JADE3: variants seen among roughly 807,000 people sequenced by gnomAD.
JADE3 encodes jade family PHD finger 3, also known as protein Jade-3.
JADE3 carries 2 observed loss-of-function variants against 50.1 expected under a neutral mutation model. The ratio of observed to expected loss-of-function variants is 0.04; its 90% CI spans 0.02 to 0.13. The LOEUF is 0.13. JADE3 is among the 10% of genes least tolerant of loss of function. The pLI, the probability that JADE3 is intolerant of heterozygous loss-of-function variation, is 1.00. For missense variants in JADE3, 475 were observed against 634.4 expected, an observed-to-expected ratio of 0.75 and a Z score of 2.70; for synonymous variants, 218 against 232.9, an observed-to-expected ratio of 0.94 and a Z score of 0.58.
In JADE3 at chrX:47,058,432, C is replaced by T. The variant is rs1556373903; in HGVS notation, c.1827C>T (p.Leu609=). The T allele has an allele frequency of 2.5e-6, 3 of 1,211,699 alleles. No homozygotes were observed. The highest frequency in any genetic ancestry group is 3.4e-6 in the Non-Finnish European group (3 of 895,471). The change falls in exon 11 of 11, where the codon CTC becomes CTT. Residue 609 remains leucine (L), a synonymous_variant. Transcript: ENST00000614628. ...AGAATAACCGTTTGCTGGCCAGTCT[C>T]AGCCATTCTAGGAGTGAAGCAAAGG... The part of the protein sequence containing the change: ...ESKNNRLLAS[L]SHSRSEAKES...
At position 47,058,213 on chromosome X, in the gene JADE3, A is replaced by G. The variant is rs191000371; in HGVS notation, c.1608A>G (p.Pro536=). 1.7e-6 allele frequency: 2 copies of G among 1,208,141 alleles called. No homozygotes were observed. Among genetic ancestry groups the G allele is most frequent in the African/African-American group, 3.5e-5 (2 of 56,818 alleles). Residue 536 remains proline (P), a synonymous_variant, in exon 11 of 11, where the codon CCA becomes CCG. Coordinates refer to ENST00000614628, the MANE Select transcript of JADE3 (RefSeq NM_014735.5). ...NALENSLFYP[P]PRITLKLKMP... is the part of the protein sequence containing the mutation. ...TTGAAAACTCACTGTTTTACCCACCACCAAGAATTACCTTGAAGTTAAAAA... is the reference window on the plus strand; with the variant it reads ...TTGAAAACTCACTGTTTTACCCACCGCCAAGAATTACCTTGAAGTTAAAAA...
intron 1 of JADE3, among the ~76,000 whole-genome samples, chrX:46,914,496 T>C (rs2147099490): frequency 8.9e-6 from 1 of 112,057 alleles, no homozygotes; most frequent in Admixed American, 9.4e-5. Flanking sequence ...GCTTAAATAC[T>C]TGAACTGTAA....
rs1282029262 is a variant in JADE3, at chrX:46,923,405, T to C, written c.-12+10686T>C. On this transcript the variant is annotated intron_variant, in intron 1 of 10. Coordinates refer to ENST00000614628, the MANE Select transcript of JADE3 (RefSeq NM_014735.5). Reference sequence around the variant, plus strand: ...TCTCTCTCTCTCTCTTTTTTTTTTTTTTTTTTTTTTTTTTTTGAGGCAGGG... The same window carrying C: ...TCTCTCTCTCTCTCTTTTTTTTTTTCTTTTTTTTTTTTTTTTGAGGCAGGG... Among the ~76,000 whole-genome samples, 8 of 57,246 alleles carry C rather than the reference T, an allele frequency of 1.4e-4. 1 individual carries two copies. The highest frequency in any genetic ancestry group is 1.0e-3 in the Admixed American group (5 of 4,840). The allele number at this position is 57,246 out of a possible 115,157, so 49.7% of individuals were successfully genotyped here.
At chrX:47,039,957 A>G (rs1556369278) in intron 8 of JADE3, among the ~76,000 whole-genome samples, 1 of 111,559 alleles carries the variant, frequency 9.0e-6, no homozygotes, top group African/African-American at 3.3e-5. Flanking sequence ...TGCCTACTCA[A>G]TGTTTAGCTC....
At chrX:47,011,942 A>G (rs1031036080) in intron 4 of JADE3, among the ~76,000 whole-genome samples, 6 of 112,049 alleles carry the variant, frequency 5.4e-5, no homozygotes, top group Non-Finnish European at 1.1e-4. Context: ...CACAGCCAGA[A>G]TGAGTCGTCT....
rs1929065454 is a variant in JADE3, at chrX:47,033,514, G to A, written c.688-107G>A. On this transcript the variant is annotated intron_variant, in intron 6 of 10. Coordinates refer to ENST00000614628, the MANE Select transcript of JADE3 (RefSeq NM_014735.5). ...GATATAAGCTTGTTCGGCTTTATTT[G>A]CCTTTCTCCCAAAAGCAGAGGATAC... is the stretch of plus-strand genomic sequence containing the variant. 5 of 621,410 alleles carry A rather than the reference G, an allele frequency of 8.0e-6. No individual in the cohort carries two copies. The Admixed American group carries it at 1.2e-4, about 15-fold the overall frequency. 51.2% of individuals were successfully genotyped at this position (621,410 alleles called of 1,213,427 possible).
chrX:46,945,940 T>A (rs186803556), intron 1 of JADE3, among the ~76,000 whole-genome samples: 35 of 111,554 alleles, frequency 3.1e-4, no homozygotes, highest in Non-Finnish European at 4.3e-4. Flanking sequence ...GGTGTGTTCA[T>A]CTCCTTATGC....
intron 9 of JADE3, among the ~76,000 whole-genome samples, chrX:47,055,302 A>T (rs782595054): frequency 1.3e-4 from 15 of 111,927 alleles, no homozygotes; most frequent in African/African-American, 4.9e-4. Context: ...TTTATCCTAG[A>T]GAATTTTCTA....
At chrX:46,999,848 A>T (rs1426415472) in intron 4 of JADE3, among the ~76,000 whole-genome samples, 2 of 111,461 alleles carry the variant, frequency 1.8e-5, no homozygotes, top group African/African-American at 6.5e-5. Flanking sequence ...CAAAATGCTG[A>T]GTAAAAGTTT....
Position 46,914,466 on chromosome X carries a change from T to C in JADE3, c.-12+1747T>C, listed in dbSNP as rs781992747. Among the ~76,000 whole-genome samples the C allele has an allele frequency of 6.3e-5, 7 of 111,690 alleles. No homozygotes were observed. In the East Asian group the frequency reaches 2.0e-3, roughly 31 times the overall value. On this transcript the variant is annotated intron_variant, in intron 1 of 10. Transcript: ENST00000614628. ...CCTCCATAACATATCATTTTCTCTT[T>C]CGTTTAAAGTGAGCTCTGAGCTTAA...
chrX:46,989,519 T>C (rs977291001), intron 3 of JADE3, among the ~76,000 whole-genome samples: 4 of 111,910 alleles, frequency 3.6e-5, no homozygotes, highest in African/African-American at 1.3e-4. Context: ...TTGGAAAATG[T>C]TGTGCTACTT....
chrX:46,973,828 C>T (rs1927550002), intron 1 of JADE3, among the ~76,000 whole-genome samples: 1 of 112,465 alleles, frequency 8.9e-6, no homozygotes, highest in South Asian at 3.6e-4. Flanking sequence ...TGCCTGTAAT[C>T]CCAGCACTTT....
intron 9 of JADE3, 33 bp from the exon 10 acceptor site, chrX:47,056,049 A>G: frequency 3.2e-6 from 3 of 938,299 alleles, no homozygotes; most frequent in Non-Finnish European, 4.6e-6. Context: ...TAACATGACA[A>G]ACATCTCTAT....
chrX:47,004,782 G>T (rs181932123), intron 4 of JADE3, among the ~76,000 whole-genome samples: 1 of 112,426 alleles, frequency 8.9e-6, no homozygotes, highest in Non-Finnish European at 1.9e-5. Flanking sequence ...ACTATTTCAT[G>T]TTGAGTGACT....
intron 9 of JADE3, 102 bp from the exon 10 acceptor site, chrX:47,055,980 A>T: frequency 2.1e-6 from 1 of 475,360 alleles, no homozygotes. Flanking sequence ...TTCTCTCCTC[A>T]CCCCCACCTG....
At chrX:46,960,687 A>G (rs1457623401) in intron 1 of JADE3, among the ~76,000 whole-genome samples, 1 of 112,215 alleles carries the variant, frequency 8.9e-6, no homozygotes, top group African/African-American at 3.2e-5. Flanking sequence ...GTATCCTTAC[A>G]GTGTAATAAA....
chrX:46,983,290 G>A (rs1341400767), intron 1 of JADE3, among the ~76,000 whole-genome samples: 4 of 111,328 alleles, frequency 3.6e-5, no homozygotes, highest in Admixed American at 9.6e-5. Context: ...CAGCTCTGGC[G>A]CAGTGGATGG....
chrX:47,016,626 G>A (rs2147145828), intron 4 of JADE3, among the ~76,000 whole-genome samples: 1 of 111,093 alleles, frequency 9.0e-6, no homozygotes, highest in East Asian at 2.8e-4. Flanking sequence ...TCAATAAAAG[G>A]CATATCAAAG....
Position 46,926,216 on chromosome X carries a change from C to T in JADE3, c.-12+13497C>T, listed in dbSNP as rs1057173361. ...GGCCTATTGACTTAAAAAAATTATACAGTAGGTTGGACTTTTTTGGGGTTA... is the reference window on the plus strand; with the variant it reads ...GGCCTATTGACTTAAAAAAATTATATAGTAGGTTGGACTTTTTTGGGGTTA... On this transcript the variant is annotated intron_variant, in intron 1 of 10. Transcript: ENST00000614628. Among the ~76,000 whole-genome samples the T allele has an allele frequency of 3.8e-5, 4 of 106,352 alleles. No individual in the cohort carries two copies. The East Asian group carries it at 1.2e-3, about 31-fold the overall frequency. The allele number at this position is 106,352 out of a possible 115,157, so 92.4% of individuals were successfully genotyped here.
Sources: allele counts gnomAD v4.1 joint callset (sites outside exome capture counted in the v4.1 genomes callset), GRCh38; gene constraint gnomAD v4.1.1; transcripts MANE v1.5; gene names NCBI Gene and HGNC (gene_info 2026-07-23, HGNC 2026-07-21).